THOC1: variants seen among roughly 807,000 people sequenced by gnomAD.
THOC1 encodes THO complex 1.
THOC1 carries 29 observed loss-of-function variants against 97.3 expected under a neutral mutation model. That is an observed-to-expected ratio of 0.30 (90% CI 0.22 to 0.41). The LOEUF is 0.41. THOC1 is among the 10% of genes least tolerant of loss of function. The pLI, the probability that THOC1 is intolerant of heterozygous loss-of-function variation, is 1.00. For missense variants in THOC1, 529 were observed against 761.9 expected, an observed-to-expected ratio of 0.69 and a Z score of 3.60; for synonymous variants, 255 against 257.0, an observed-to-expected ratio of 0.99 and a Z score of 0.07.
At chr18:258,906 G>A (rs1286293449) in intron 7 of THOC1, among the ~76,000 whole-genome samples, 2 of 151,998 alleles carry the variant, frequency 1.3e-5, no homozygotes, top group Non-Finnish European at 2.9e-5. Context: ...TATGAAATAC[G>A]GATATGATGG....
chr18:244,129 T>C (rs1348582069), intron 11 of THOC1, among the ~76,000 whole-genome samples: 1 of 152,152 alleles, frequency 6.6e-6, no homozygotes, highest in East Asian at 1.9e-4. Context: ...TGCCATAATT[T>C]TAAATTACTC....
chr18:222,343 G>A (rs184877202), intron 17 of THOC1, among the ~76,000 whole-genome samples: 1 of 152,064 alleles, frequency 6.6e-6, no homozygotes. Flanking sequence ...TCCTTTCTGG[G>A]TTCAGTTTCC....
At chr18:217,327 A>G (rs947481463) in intron 18 of THOC1, among the ~76,000 whole-genome samples, 2 of 152,266 alleles carry the variant, frequency 1.3e-5, no homozygotes, top group Admixed American at 6.5e-5. Context: ...TTGCCTAAAC[A>G]GTTAAGAGCC....
At chr18:266,106 A>G (rs531935235) in intron 1 of THOC1, among the ~76,000 whole-genome samples, 2 of 152,340 alleles carry the variant, frequency 1.3e-5, no homozygotes, top group Admixed American at 6.5e-5. Context: ...CCTGACACGT[A>G]GCACTCAATA....
intron 7 of THOC1, among the ~76,000 whole-genome samples, chr18:256,751 G>C (rs954366424): frequency 6.6e-6 from 1 of 152,096 alleles, no homozygotes; most frequent in Non-Finnish European, 1.5e-5. Context: ...GGTTTGAGAG[G>C]ACTGACCCTA....
intron 11 of THOC1, among the ~76,000 whole-genome samples, chr18:230,562 C>T (rs1392215836): frequency 6.6e-6 from 1 of 152,078 alleles, no homozygotes; most frequent in Non-Finnish European, 1.5e-5. Flanking sequence ...AAACTAGGTC[C>T]AGAAAAGTTA....
chr18:240,752 A>T (rs772021847), intron 11 of THOC1, among the ~76,000 whole-genome samples: 2 of 152,200 alleles, frequency 1.3e-5, no homozygotes, highest in African/African-American at 2.4e-5. Context: ...CAAGTGCATT[A>T]CATTTATTGT....
chr18:222,716 T>C (rs950892440), intron 17 of THOC1, among the ~76,000 whole-genome samples: 6 of 151,966 alleles, frequency 3.9e-5, no homozygotes, highest in African/African-American at 1.4e-4. Flanking sequence ...CTCATCCCAC[T>C]GTCTTCTGAT....
intron 1 of THOC1, among the ~76,000 whole-genome samples, chr18:266,354 G>A (rs144936907): frequency 4.6e-5 from 7 of 152,212 alleles, no homozygotes; most frequent in African/African-American, 1.7e-4. Flanking sequence ...AGTTAAATAA[G>A]AGGGTTTTTG....
intron 11 of THOC1, among the ~76,000 whole-genome samples, chr18:229,136 T>TACCTTCCATCTGGAATC (rs1343549855): frequency 2.4e-4 from 37 of 152,302 alleles, no homozygotes; most frequent in African/African-American, 8.7e-4. Context: ...CCATCTGGAT[T>TACCTTCCATCTGGAATC]ACCTTCCATC....
intron 12 of THOC1, chr18:225,965 C>T (rs1179827969): frequency 6.6e-6 from 1 of 152,390 alleles, no homozygotes. Flanking sequence ...AGTACATGTA[C>T]ATATTAAACA....
At chr18:236,083 A>G (rs1315718843) in intron 11 of THOC1, among the ~76,000 whole-genome samples, 2 of 152,056 alleles carry the variant, frequency 1.3e-5, no homozygotes, top group African/African-American at 2.4e-5. Flanking sequence ...TTTTCCCTTA[A>G]ATTCTATTTT....
chr18:267,972 C>T lies in THOC1; in HGVS notation c.48G>A (p.Arg16=), dbSNP rs758068489. ...PLFSLPEART[R]FTKSTREALN... Reference sequence around the variant, plus strand: ...CCTCCCCTCTACAGCTCACCGTAAACCGCGTCCGCGCTTCGGGCAAACTGA... The same window carrying T: ...CCTCCCCTCTACAGCTCACCGTAAATCGCGTCCGCGCTTCGGGCAAACTGA... Residue 16 remains arginine, a synonymous_variant, in exon 1 of 21, where the codon CGG becomes CGA. Coordinates refer to ENST00000261600, the MANE Select transcript of THOC1 (RefSeq NM_005131.3). 2 of 1,611,846 alleles carry T rather than the reference C, an allele frequency of 1.2e-6. No individual in the cohort carries two copies. The highest frequency in any genetic ancestry group is 8.5e-7 in the Non-Finnish European group (1 of 1,179,164).
At chr18:216,457 G>A in intron 19 of THOC1, 29 bp downstream of exon 19, 1 of 1,606,206 alleles carries the variant, frequency 6.2e-7, no homozygotes, top group Non-Finnish European at 8.5e-7. Context: ...TCAACTAAAG[G>A]GTATGAAAAG....
At chr18:249,309 A>G (rs1661802060) in intron 9 of THOC1, among the ~76,000 whole-genome samples, 1 of 152,192 alleles carries the variant, frequency 6.6e-6, no homozygotes, top group Non-Finnish European at 1.5e-5. Flanking sequence ...CTATAATTAA[A>G]GCAGCTTCAC....
chr18:225,406 AG>A lies in THOC1; in HGVS notation c.1020-4del, dbSNP rs757426331. 1.1e-5 allele frequency: 18 copies of A among 1,611,888 alleles called. No individual in the cohort carries two copies. The African/African-American group carries it at 2.1e-4, about 19-fold the overall frequency. On this transcript the variant is annotated splice_region_variant and splice_polypyrimidine_tract_variant and intron_variant, in intron 12 of 20. Transcript: ENST00000261600. ...CATCAGTTAAAACATAGTTTGAACT[AG>A]GGAACAAAGCAATGAAAGCATGCTT...
At position 225,009 on chromosome 18, in the gene THOC1, G is replaced by C. The variant is rs762233590; in HGVS notation, c.1138-15C>G. The stretch of plus-strand genomic sequence containing the variant: ...TTTAATATATGCTGGGAAAAACAAA[G>C]CGATTACATTTTGGTTAGTGGAATC... On this transcript the variant is annotated splice_polypyrimidine_tract_variant and intron_variant, in intron 14 of 20. Coordinates refer to ENST00000261600, the MANE Select transcript of THOC1 (RefSeq NM_005131.3). 2.6e-6 allele frequency: 4 copies of C among 1,567,312 alleles called. No homozygotes were observed. In the South Asian group the frequency reaches 4.7e-5, roughly 18 times the overall value.
chr18:217,024 C>T (rs1910915188), intron 18 of THOC1, among the ~76,000 whole-genome samples: 2 of 152,166 alleles, frequency 1.3e-5, no homozygotes, highest in Admixed American at 1.3e-4. Flanking sequence ...TGAAGTATAA[C>T]AATGATCAGG....
chr18:241,023 G>A (rs1911880513), intron 11 of THOC1, among the ~76,000 whole-genome samples: 2 of 152,246 alleles, frequency 1.3e-5, no homozygotes, highest in South Asian at 4.2e-4. Flanking sequence ...ATAGGAGACG[G>A]AGCTCAGGTG....
Sources: gnomAD v4.1 joint callset for allele counts (sites outside exome capture counted in the v4.1 genomes callset) on GRCh38, gnomAD v4.1.1 for gene constraint, MANE v1.5 for transcripts, NCBI Gene and HGNC (gene_info 2026-07-23, HGNC 2026-07-21) for gene names.